PLEKHA2: variants seen among roughly 807,000 people sequenced by gnomAD.
PLEKHA2 encodes the protein pleckstrin homology domain containing A2.
PLEKHA2 carries 28 observed loss-of-function variants against 53.2 expected under a neutral mutation model. The ratio of observed to expected loss-of-function variants is 0.53; its 90% CI spans 0.39 to 0.72. The LOEUF is 0.72. PLEKHA2 is among the 30% of genes least tolerant of loss of function. The pLI is 0.00. For missense variants in PLEKHA2, 426 were observed against 537.9 expected (o/e 0.79, Z 2.06); for synonymous variants, 193 against 196.4 (o/e 0.98, Z 0.14).
intron 2 of PLEKHA2, among the ~76,000 whole-genome samples, chr8:38,928,236 C>CTTTTT (rs11414317): frequency 1.1e-4 from 12 of 110,136 alleles, no homozygotes; most frequent in African/African-American, 1.8e-4. Context: ...CTGACCTGGT[C>CTTTTT]TTTTTTTTTT....
chr8:38,918,486 T>TGC (rs1466155056), intron 2 of PLEKHA2, among the ~76,000 whole-genome samples: 1 of 15,310 alleles, frequency 6.5e-5, no homozygotes, highest in Admixed American at 8.0e-4. Context: ...ACACACACCA[T>TGC]ACACACAACC....
intron 2 of PLEKHA2, among the ~76,000 whole-genome samples, chr8:38,918,585 G>A (rs1312759803): frequency 7.5e-3 from 24 of 3,190 alleles, no homozygotes; most frequent in South Asian, 0.018. Flanking sequence ...GCACACACAT[G>A]CACACACATC....
chr8:38,940,200 C>T lies in PLEKHA2; in HGVS notation c.199-3589C>T, dbSNP rs548539941. 2.0e-5 allele frequency among the ~76,000 whole-genome samples: 3 copies of T among 151,992 alleles called. 1 individual carries two copies. The South Asian group carries it at 6.2e-4, about 32-fold the overall frequency. On this transcript the variant is annotated intron_variant, in intron 3 of 11. Transcript: ENST00000617275. ...ATCACCTGAGGTCAGGAGTTCCAGACCAGCCTGGCCAACATGGCGAAACCC... is the reference window on the plus strand; with the variant it reads ...ATCACCTGAGGTCAGGAGTTCCAGATCAGCCTGGCCAACATGGCGAAACCC...
At chr8:38,955,309 G>T (rs1468594693) in intron 9 of PLEKHA2, among the ~76,000 whole-genome samples, 1 of 152,128 alleles carries the variant, frequency 6.6e-6, no homozygotes, top group East Asian at 1.9e-4. Context: ...GACTTTACTG[G>T]CTATGCATGA....
intron 3 of PLEKHA2, among the ~76,000 whole-genome samples, chr8:38,937,398 A>G (rs942367171): frequency 3.9e-5 from 6 of 152,172 alleles, no homozygotes; most frequent in African/African-American, 1.4e-4. Context: ...TCGTTTCTCC[A>G]GGAGGGTCGG....
chr8:38,901,867 GGGA>G (rs1008255504), intron 1 of PLEKHA2: 9 of 152,284 alleles, frequency 5.9e-5, no homozygotes, highest in Admixed American at 1.3e-4. Flanking sequence ...GCTGCGGGAG[GGGA>G]GGAGAGCAGA....
At chr8:38,901,811 C>T (rs1243635088) in intron 1 of PLEKHA2, 1 of 152,268 alleles carries the variant, frequency 6.6e-6, no homozygotes, top group Non-Finnish European at 1.5e-5. Context: ...CGAAACTTCT[C>T]TGCGGGTTCT....
At chr8:38,953,181 A>G in intron 8 of PLEKHA2, 116 bp from the exon 9 acceptor site, 1 of 851,104 alleles carries the variant, frequency 1.2e-6, no homozygotes, top group Non-Finnish European at 2.0e-6. Flanking sequence ...AGACCAGATT[A>G]TTTGTCAACC....
intron 1 of PLEKHA2, among the ~76,000 whole-genome samples, chr8:38,913,747 C>T (rs920426876): frequency 6.6e-6 from 1 of 152,198 alleles, no homozygotes; most frequent in African/African-American, 2.4e-5. Context: ...TATGCTCCCC[C>T]GCCCCCAGCC....
At chr8:38,941,840 A>G (rs1402258810) in intron 3 of PLEKHA2, among the ~76,000 whole-genome samples, 1 of 152,192 alleles carries the variant, frequency 6.6e-6, no homozygotes, top group Non-Finnish European at 1.5e-5. Flanking sequence ...CAGTTGGAAC[A>G]CCTGTCATTT....
chr8:38,931,050 G>A (rs1288863147), intron 2 of PLEKHA2, among the ~76,000 whole-genome samples: 1 of 152,146 alleles, frequency 6.6e-6, no homozygotes, highest in Non-Finnish European at 1.5e-5. Flanking sequence ...GGCCAGGGCG[G>A]GCGGATCACC....
At chr8:38,934,453 A>G (rs1173879249) in intron 2 of PLEKHA2, among the ~76,000 whole-genome samples, 1 of 150,046 alleles carries the variant, frequency 6.7e-6, no homozygotes, top group African/African-American at 2.5e-5. Flanking sequence ...CTTTTTTGAG[A>G]TGGAGTCTCT....
intron 3 of PLEKHA2, among the ~76,000 whole-genome samples, chr8:38,942,604 T>C (rs1834632572): frequency 6.6e-6 from 1 of 152,184 alleles, no homozygotes; most frequent in African/African-American, 2.4e-5. Context: ...GTCCCCGGCC[T>C]AGGACCCATG....
At chr8:38,911,694 G>T (rs1185472908) in intron 1 of PLEKHA2, among the ~76,000 whole-genome samples, 5 of 152,220 alleles carry the variant, frequency 3.3e-5, no homozygotes, top group African/African-American at 9.7e-5. Flanking sequence ...GAAATTTAAG[G>T]CTGGGTGTGG....
intron 10 of PLEKHA2, among the ~76,000 whole-genome samples, chr8:38,963,554 A>G (rs989772655): frequency 6.6e-6 from 1 of 152,178 alleles, no homozygotes; most frequent in Non-Finnish European, 1.5e-5. Context: ...TTTGTTTCTC[A>G]TGAATCCCAG....
intron 3 of PLEKHA2, among the ~76,000 whole-genome samples, chr8:38,941,793 G>A (rs1298642896): frequency 6.6e-6 from 1 of 152,200 alleles, no homozygotes; most frequent in Admixed American, 6.5e-5. Context: ...ACGATATTAT[G>A]ATCCCTTATT....
At chr8:38,918,306 ACAC>A (rs1834099536) in intron 2 of PLEKHA2, among the ~76,000 whole-genome samples, 2 of 149,438 alleles carry the variant, frequency 1.3e-5, no homozygotes, top group South Asian at 4.2e-4. Flanking sequence ...CCTTATACAC[ACAC>A]ACCACACACA....
Position 38,906,857 on chromosome 8 carries a change from A to G in PLEKHA2, c.-24+5412A>G, listed in dbSNP as rs76265598. 2.7e-3 allele frequency among the ~76,000 whole-genome samples: 417 copies of G among 152,342 alleles called. 3 individuals are homozygous for G. Among genetic ancestry groups the G allele is most frequent in the Non-Finnish European group, 5.3e-3 (358 of 68,032 alleles). ...CTTGATGTATGCTGCAAATCTGAAC[A>G]TATATGAACTCTGTTGACATGGTCC... On this transcript the variant is annotated intron_variant, in intron 1 of 11. Transcript: ENST00000617275.
chr8:38,930,164 T>C (rs1834363542), intron 2 of PLEKHA2, among the ~76,000 whole-genome samples: 1 of 152,034 alleles, frequency 6.6e-6, no homozygotes, highest in Admixed American at 6.6e-5. Flanking sequence ...GGTACTGGCA[T>C]TGTCTGCATA....
Sources: gnomAD v4.1 joint callset for allele counts (sites outside exome capture counted in the v4.1 genomes callset) on GRCh38, gnomAD v4.1.1 for gene constraint, MANE v1.5 for transcripts, NCBI Gene and HGNC (gene_info 2026-07-23, HGNC 2026-07-21) for gene names.